FHIT: variants seen among roughly 807,000 people sequenced by gnomAD.
FHIT encodes the protein bis(5'-adenosyl)-triphosphatase.
FHIT carries 19 observed loss-of-function variants against 17.9 expected under a neutral mutation model. The ratio of observed to expected loss-of-function variants is 1.06; its 90% CI spans 0.74 to 1.56. FHIT has a LOEUF of 1.56. FHIT is among the 40% of genes most tolerant of loss of function. The pLI, the probability that FHIT is intolerant of heterozygous loss-of-function variation, is 0.00. For synonymous variants in FHIT, 81 were observed against 69.7 expected (o/e 1.16, Z -0.81); for missense variants, 248 against 189.2 (o/e 1.31, Z -1.82).
chr3:59,940,010 C>A (rs572695957), intron 7 of FHIT, among the ~76,000 whole-genome samples: 1 of 152,256 alleles, frequency 6.6e-6, no homozygotes, highest in African/African-American at 2.4e-5. Context: ...CACGGGATGA[C>A]AATATACAGA....
intron 2 of FHIT, among the ~76,000 whole-genome samples, chr3:61,103,811 GCTTT>G (rs2035909097): frequency 6.6e-6 from 1 of 151,798 alleles, no homozygotes; most frequent in African/African-American, 2.4e-5. Context: ...TTATGTAATG[GCTTT>G]CTTTGTCTCT....
chr3:60,200,363 G>A (rs991129837), intron 5 of FHIT, among the ~76,000 whole-genome samples: 1 of 152,062 alleles, frequency 6.6e-6, no homozygotes, highest in Non-Finnish European at 1.5e-5. Context: ...TACCATGTTG[G>A]ATTTGCTCTT....
At chr3:60,439,046 T>C (rs754113855) in intron 5 of FHIT, among the ~76,000 whole-genome samples, 1 of 152,078 alleles carries the variant, frequency 6.6e-6, no homozygotes, top group Non-Finnish European at 1.5e-5. Context: ...TTGGTGAGAG[T>C]GATTGGCTTT....
intron 5 of FHIT, among the ~76,000 whole-genome samples, chr3:60,207,250 G>C (rs1034898715): frequency 2.0e-5 from 3 of 151,916 alleles, no homozygotes; most frequent in African/African-American, 7.3e-5. Context: ...TTAGAAATTA[G>C]AATATTTACT....
At chr3:60,727,137 A>T (rs1338127393) in intron 4 of FHIT, among the ~76,000 whole-genome samples, 4 of 152,200 alleles carry the variant, frequency 2.6e-5, no homozygotes, top group Admixed American at 1.3e-4. Flanking sequence ...AAACCATTAT[A>T]GAGAATGCAG....
At chr3:60,485,041 C>T (rs993185154) in intron 5 of FHIT, among the ~76,000 whole-genome samples, 1 of 152,040 alleles carries the variant, frequency 6.6e-6, no homozygotes, top group East Asian at 1.9e-4. Context: ...AACCAACAAA[C>T]ATATGAAAAA....
At chr3:60,732,351 C>A in intron 4 of FHIT, 1 of 871,462 alleles carries the variant, frequency 1.1e-6, no homozygotes, top group East Asian at 2.4e-5. Flanking sequence ...GGGCAAGATG[C>A]CAGTACCTCT....
At chr3:60,011,477 A>G in intron 6 of FHIT, 77 bp from the exon 7 acceptor site, 1 of 1,191,802 alleles carries the variant, frequency 8.4e-7, no homozygotes, top group Non-Finnish European at 1.3e-6. Context: ...ATCACCCATT[A>G]ATAATTTAGA....
chr3:60,884,074 A>T (rs782706878), intron 3 of FHIT, among the ~76,000 whole-genome samples: 1 of 152,212 alleles, frequency 6.6e-6, no homozygotes, highest in Non-Finnish European at 1.5e-5. Context: ...ACATTTCTTA[A>T]AAGGAGACAT....
intron 5 of FHIT, among the ~76,000 whole-genome samples, chr3:60,058,359 G>C (rs1352122844): frequency 6.6e-6 from 1 of 151,948 alleles, no homozygotes; most frequent in Non-Finnish European, 1.5e-5. Flanking sequence ...TGGATCTCTT[G>C]ACCTCATGAT....
At chr3:59,763,179 T>C (rs1392355976) in intron 8 of FHIT, among the ~76,000 whole-genome samples, 1 of 152,244 alleles carries the variant, frequency 6.6e-6, no homozygotes, top group African/African-American at 2.4e-5. Flanking sequence ...TGGAATCTCC[T>C]GAACATTTCA....
chr3:60,605,270 T>C (rs1045759151), intron 4 of FHIT, among the ~76,000 whole-genome samples: 10 of 152,142 alleles, frequency 6.6e-5, no homozygotes, highest in African/African-American at 9.7e-5. Context: ...ATCACTGCAA[T>C]AAAAGTGATT....
Position 59,772,611 on chromosome 3 carries a change from G to A in FHIT, c.349-20290C>T, listed in dbSNP as rs56224354. 4.1e-3 allele frequency among the ~76,000 whole-genome samples: 625 copies of A among 152,276 alleles called. 2 individuals are homozygous for A. Among genetic ancestry groups the A allele is most frequent in the African/African-American group, 0.014 (588 of 41,550 alleles). ...CAGGCTGGTGCCAAGGCCAGCTCTCGTAACCACTGTGCATAGTGCCTCTTC... is the reference window on the plus strand; with the variant it reads ...CAGGCTGGTGCCAAGGCCAGCTCTCATAACCACTGTGCATAGTGCCTCTTC... On this transcript the variant is annotated intron_variant, in intron 8 of 9. Coordinates refer to ENST00000492590, the MANE Select transcript of FHIT (RefSeq NM_002012.4).
intron 2 of FHIT, among the ~76,000 whole-genome samples, chr3:61,057,343 G>A (rs2034260429): frequency 6.6e-6 from 1 of 152,172 alleles, no homozygotes; most frequent in Admixed American, 6.5e-5. Flanking sequence ...AACATTGGGG[G>A]TTCATAAGAC....
chr3:60,861,592 A>G (rs1334717008), intron 3 of FHIT, among the ~76,000 whole-genome samples: 1 of 151,920 alleles, frequency 6.6e-6, no homozygotes, highest in Admixed American at 6.6e-5. Context: ...CATTGCTATC[A>G]TCATCATCAT....
At chr3:60,506,140 T>C (rs1215890479) in intron 5 of FHIT, among the ~76,000 whole-genome samples, 1 of 152,192 alleles carries the variant, frequency 6.6e-6, no homozygotes, top group Non-Finnish European at 1.5e-5. Context: ...GACAATATAA[T>C]TGAGCTTTCC....
intron 5 of FHIT, among the ~76,000 whole-genome samples, chr3:60,056,029 A>G (rs1702066358): frequency 6.6e-6 from 1 of 152,212 alleles, no homozygotes; most frequent in Non-Finnish European, 1.5e-5. Context: ...TCCTTTAAAA[A>G]ATAGTCATGA....
At chr3:60,501,722 A>C (rs1233580748) in intron 5 of FHIT, among the ~76,000 whole-genome samples, 2 of 152,252 alleles carry the variant, frequency 1.3e-5, no homozygotes, top group East Asian at 3.8e-4. Flanking sequence ...AAGAGATCAT[A>C]TATCCACATT....
chr3:60,630,710 T>C (rs1455170446), intron 4 of FHIT, among the ~76,000 whole-genome samples: 14 of 152,078 alleles, frequency 9.2e-5, no homozygotes, highest in African/African-American at 3.1e-4. Flanking sequence ...TGCCAGGAAA[T>C]CTAGCTCATC....
Sources: gnomAD v4.1 joint callset for allele counts (sites outside exome capture counted in the v4.1 genomes callset) on GRCh38, gnomAD v4.1.1 for gene constraint, MANE v1.5 for transcripts, NCBI Gene and HGNC (gene_info 2026-07-23, HGNC 2026-07-21) for gene names.